Variants in ATRNL1 observed in about 807,000 individuals in gnomAD.
ATRNL1 encodes attractin-like protein 1.
In ATRNL1, 95 loss-of-function variants were observed where a neutral mutation model predicts 182.7. The observed-to-expected ratio is 0.52, with a 90% CI of 0.44 to 0.62. The LOEUF is 0.62. Ranked by LOEUF, ATRNL1 falls within the 20% of genes least tolerant of loss-of-function variation. ATRNL1 has a pLI of 0.00. For missense variants in ATRNL1, 1,471 were observed against 1,679.5 expected (o/e 0.88, Z 2.17); for synonymous variants, 576 against 568.3 (o/e 1.01, Z -0.19).
intron 19 of ATRNL1, among the ~76,000 whole-genome samples, chr10:115,369,346 G>T (rs572492454): frequency 6.6e-6 from 1 of 151,924 alleles, no homozygotes; most frequent in African/African-American, 2.4e-5. Flanking sequence ...GTTCTGTGAA[G>T]GGGATAGGAT....
chr10:115,281,314 T>C (rs781921676), intron 13 of ATRNL1, 41 bp from the exon 14 acceptor site: 28 of 1,567,994 alleles, frequency 1.8e-5, no homozygotes, highest in Non-Finnish European at 2.3e-5. Flanking sequence ...GAATCATTGC[T>C]GTACAAAGGT....
chr10:115,764,008 C>T (rs562003804), intron 27 of ATRNL1, among the ~76,000 whole-genome samples: 81 of 152,210 alleles, frequency 5.3e-4, no homozygotes, highest in South Asian at 1.7e-3. Flanking sequence ...TCACTGTTTT[C>T]GGGATTTTTG....
intron 27 of ATRNL1, among the ~76,000 whole-genome samples, chr10:115,841,384 AGT>A (rs1278495802): frequency 4.6e-5 from 7 of 152,158 alleles, no homozygotes; most frequent in Non-Finnish European, 1.0e-4. Context: ...GGTACATATG[AGT>A]GTGTGTGTTT....
intron 27 of ATRNL1, among the ~76,000 whole-genome samples, chr10:115,813,415 A>G (rs1950092985): frequency 2.0e-5 from 3 of 152,266 alleles, no homozygotes; most frequent in Middle Eastern, 3.4e-3. Flanking sequence ...ATCAAGCTGA[A>G]AAAGCATGTC....
chr10:115,166,131 C>T (rs1367636799), intron 7 of ATRNL1, among the ~76,000 whole-genome samples: 1 of 152,070 alleles, frequency 6.6e-6, no homozygotes, highest in Non-Finnish European at 1.5e-5. Context: ...GCTCTAGGTA[C>T]CTCATGTAAA....
chr10:115,661,516 A>G (rs1360402047), intron 26 of ATRNL1, among the ~76,000 whole-genome samples: 21 of 152,152 alleles, frequency 1.4e-4, no homozygotes, highest in Admixed American at 1.3e-3. Flanking sequence ...TAACTCCCTC[A>G]ATGTATAAGT....
chr10:115,169,892 T>G (rs1376477646), intron 7 of ATRNL1, among the ~76,000 whole-genome samples: 1 of 152,132 alleles, frequency 6.6e-6, no homozygotes, highest in Non-Finnish European at 1.5e-5. Context: ...TTTTATTCTT[T>G]TAGATGCTTT....
chr10:115,295,587 C>T (rs1164290113), intron 15 of ATRNL1, among the ~76,000 whole-genome samples: 1 of 152,134 alleles, frequency 6.6e-6, no homozygotes, highest in African/African-American at 2.4e-5. Flanking sequence ...GCCCTGAGTG[C>T]AGGCATGTAG....
At position 115,215,696 on chromosome 10, in the gene ATRNL1, G is replaced by A; in HGVS notation, c.1349-1G>A. The A allele has an allele frequency of 1.3e-6, 2 of 1,585,706 alleles. No individual in the cohort carries two copies. The highest frequency in any genetic ancestry group is 1.4e-5 in the African/African-American group (1 of 73,528). On this transcript the variant is annotated splice_acceptor_variant, in intron 8 of 28. Coordinates refer to ENST00000355044, the MANE Select transcript of ATRNL1 (RefSeq NM_207303.4). LOFTEE classifies it high-confidence loss of function. ...TATAATGTATTTTATTTCTGTTACA[G>A]CATCAAACACTTGGCTTGTTCCAGA...
At chr10:115,874,018 T>C (rs1255814294) in intron 28 of ATRNL1, among the ~76,000 whole-genome samples, 1 of 152,176 alleles carries the variant, frequency 6.6e-6, no homozygotes, top group Admixed American at 6.5e-5. Flanking sequence ...TCAAAATTGG[T>C]ATCCAGAAAT....
intron 9 of ATRNL1, among the ~76,000 whole-genome samples, chr10:115,230,180 G>T (rs1849864943): frequency 6.6e-6 from 1 of 152,062 alleles, no homozygotes; most frequent in Admixed American, 6.6e-5. Context: ...TTATGCTCTG[G>T]AGATATATTT....
chr10:115,352,779 A>T (rs952185899), intron 19 of ATRNL1, among the ~76,000 whole-genome samples: 7 of 152,188 alleles, frequency 4.6e-5, no homozygotes, highest in Non-Finnish European at 1.0e-4. Flanking sequence ...ACATGCCTGT[A>T]GTCCCAGCTA....
intron 26 of ATRNL1, among the ~76,000 whole-genome samples, chr10:115,705,886 G>T (rs868963915): frequency 3.0e-4 from 45 of 151,940 alleles, no homozygotes; most frequent in African/African-American, 9.7e-4. Context: ...ATTAGTTTGT[G>T]TGCTAATGCA....
At chr10:115,181,716 A>C (rs1847753400) in intron 8 of ATRNL1, among the ~76,000 whole-genome samples, 1 of 151,742 alleles carries the variant, frequency 6.6e-6, no homozygotes, top group African/African-American at 2.4e-5. Flanking sequence ...TGCCACAGTG[A>C]AAAAAACTGT....
chr10:115,378,262 T>C (rs782168921), intron 19 of ATRNL1, among the ~76,000 whole-genome samples: 1 of 152,182 alleles, frequency 6.6e-6, no homozygotes, highest in Non-Finnish European at 1.5e-5. Context: ...GTGGGACTAA[T>C]GTCAGCAGGT....
At chr10:115,223,913 G>GTGTATATA (rs71476115) in intron 9 of ATRNL1, among the ~76,000 whole-genome samples, 37 of 55,930 alleles carry the variant, frequency 6.6e-4, no homozygotes, top group African/African-American at 2.0e-3. Context: ...GTGTGTGTGT[G>GTGTATATA]TATATATATA....
chr10:115,342,202 T>C (rs1855784268), intron 19 of ATRNL1, among the ~76,000 whole-genome samples: 1 of 152,032 alleles, frequency 6.6e-6, no homozygotes, highest in Non-Finnish European at 1.5e-5. Context: ...AAATAGTACA[T>C]TATAACCCAT....
At chr10:115,195,870 T>C (rs751801813) in intron 8 of ATRNL1, among the ~76,000 whole-genome samples, 29 of 152,276 alleles carry the variant, frequency 1.9e-4, no homozygotes, top group East Asian at 1.9e-4. Flanking sequence ...TAAAAGACCT[T>C]TGCCAAGCTC....
rs571951400 is a variant in ATRNL1 at position 115,672,573 on chromosome 10, C to CA, written c.3796-54672dup. Reference sequence around the variant, plus strand: ...CCCAAGGCAATAGTATTAAGTTAGGCAAACGTAAGCTGAATGTTGAGAAGT... The same window carrying CA: ...CCCAAGGCAATAGTATTAAGTTAGGCAAAACGTAAGCTGAATGTTGAGAAGT... On this transcript the variant is annotated intron_variant, in intron 26 of 28. Transcript: ENST00000355044. Among the ~76,000 whole-genome samples, 6 of 152,132 alleles carry CA rather than the reference C, an allele frequency of 3.9e-5. No individual in the cohort carries two copies. The South Asian group carries it at 1.2e-3, about 32-fold the overall frequency.
Sources: allele counts gnomAD v4.1 joint callset (sites outside exome capture counted in the v4.1 genomes callset), GRCh38; gene constraint gnomAD v4.1.1; transcripts MANE v1.5; gene names NCBI Gene and HGNC (gene_info 2026-07-23, HGNC 2026-07-21).